Variants in AGBL4 observed in about 807,000 individuals in gnomAD.
AGBL4 encodes cytosolic carboxypeptidase 6.
AGBL4 carries 58 observed loss-of-function variants against 66.4 expected under a neutral mutation model. That is an observed-to-expected ratio of 0.87 (90% CI 0.71 to 1.09). AGBL4 has a LOEUF of 1.09. Ranked by LOEUF, AGBL4 falls within the 50% of genes least tolerant of loss-of-function variation. AGBL4 has a pLI of 0.00. For synonymous variants in AGBL4, 234 were observed against 222.9 expected (o/e 1.05, Z -0.44); for missense variants, 579 against 631.0 (o/e 0.92, Z 0.88).
At chr1:49,829,803 G>A (rs1645610170) in intron 2 of AGBL4, among the ~76,000 whole-genome samples, 5 of 152,024 alleles carry the variant, frequency 3.3e-5, no homozygotes. Context: ...GGTGTGTGAT[G>A]ATCCCTCCCT....
intron 2 of AGBL4, among the ~76,000 whole-genome samples, chr1:49,788,757 T>C (rs1348432420): frequency 6.6e-6 from 1 of 152,242 alleles, no homozygotes; most frequent in Non-Finnish European, 1.5e-5. Flanking sequence ...CAAAGCTTCG[T>C]GGACGCATGG....
At chr1:49,015,350 A>G (rs138908367) in intron 5 of AGBL4, among the ~76,000 whole-genome samples, 10 of 152,280 alleles carry the variant, frequency 6.6e-5, no homozygotes, top group Non-Finnish European at 1.5e-4. Context: ...AGAAAGTGGC[A>G]AAGTATCAAT....
At chr1:49,034,477 C>T (rs544779385) in intron 5 of AGBL4, among the ~76,000 whole-genome samples, 3 of 152,116 alleles carry the variant, frequency 2.0e-5, no homozygotes, top group South Asian at 4.2e-4. Flanking sequence ...CAGGTCTTGT[C>T]CTGTTAAACA....
chr1:48,703,438 A>G (rs1022277479), intron 6 of AGBL4, among the ~76,000 whole-genome samples: 5 of 152,188 alleles, frequency 3.3e-5, no homozygotes, highest in Non-Finnish European at 7.3e-5. Context: ...AAGAAAGGAG[A>G]TGATAGATAC....
At chr1:49,918,396 A>G (rs1276579328) in intron 1 of AGBL4, among the ~76,000 whole-genome samples, 3 of 152,250 alleles carry the variant, frequency 2.0e-5, no homozygotes, top group Non-Finnish European at 2.9e-5. Context: ...AAAAATGATA[A>G]AGGGGATATC....
At chr1:49,251,819 G>T (rs1296429787) in intron 3 of AGBL4, among the ~76,000 whole-genome samples, 1 of 152,156 alleles carries the variant, frequency 6.6e-6, no homozygotes, top group African/African-American at 2.4e-5. Context: ...GAGCTGAGTG[G>T]TGGCTCTCTA....
chr1:49,107,721 GAGAGAGA>G (rs1645324978), intron 4 of AGBL4, among the ~76,000 whole-genome samples: 2 of 151,212 alleles, frequency 1.3e-5, no homozygotes, highest in Admixed American at 1.3e-4. Context: ...GAGAGAGAGA[GAGAGAGA>G]GAGAGAGACA....
chr1:49,398,065 C>G (rs948955714), intron 3 of AGBL4, among the ~76,000 whole-genome samples: 9 of 152,170 alleles, frequency 5.9e-5, no homozygotes, highest in African/African-American at 1.9e-4. Flanking sequence ...CCCCAGATAC[C>G]AAAACCTGCT....
chr1:49,537,197 C>T (rs1651664607), intron 3 of AGBL4, among the ~76,000 whole-genome samples: 1 of 151,996 alleles, frequency 6.6e-6, no homozygotes, highest in Non-Finnish European at 1.5e-5. Context: ...AAATACTAGA[C>T]AAAAATCTAG....
intron 6 of AGBL4, among the ~76,000 whole-genome samples, chr1:48,795,322 T>C (rs1194158376): frequency 6.6e-6 from 1 of 152,224 alleles, no homozygotes; most frequent in African/African-American, 2.4e-5. Context: ...GCTCAACTCA[T>C]GCTACGTATT....
chr1:50,017,454 A>G (rs1227252223), intron 1 of AGBL4: 1 of 152,192 alleles, frequency 6.6e-6, no homozygotes, highest in African/African-American at 2.4e-5. Flanking sequence ...TGGGCAGTTG[A>G]GGAGGACTCA....
chr1:49,490,345 CTT>C (rs943778555), intron 3 of AGBL4, among the ~76,000 whole-genome samples: 1 of 151,550 alleles, frequency 6.6e-6, no homozygotes, highest in Non-Finnish European at 1.5e-5. Flanking sequence ...ATTAATGTAT[CTT>C]TGAAGTTTTT....
intron 6 of AGBL4, among the ~76,000 whole-genome samples, chr1:48,733,632 A>T (rs1230070892): frequency 2.0e-5 from 3 of 152,230 alleles, no homozygotes; most frequent in African/African-American, 4.8e-5. Context: ...AGCCACATGC[A>T]TGGCTGAGGT....
At chr1:49,210,716 T>C (rs748462882) in intron 4 of AGBL4, among the ~76,000 whole-genome samples, 5 of 152,052 alleles carry the variant, frequency 3.3e-5, no homozygotes, top group Non-Finnish European at 7.4e-5. Context: ...AAAATAAATG[T>C]TGCCCCTTCC....
chr1:49,216,997 G>T, intron 4 of AGBL4, among the ~76,000 whole-genome samples: 1 of 152,072 alleles, frequency 6.6e-6, no homozygotes, highest in East Asian at 1.9e-4. Flanking sequence ...TCCTAACAGG[G>T]TTCTGCACTG....
intron 11 of AGBL4, among the ~76,000 whole-genome samples, chr1:48,561,832 G>A (rs1278930741): frequency 6.6e-6 from 1 of 152,148 alleles, no homozygotes; most frequent in Admixed American, 6.6e-5. Context: ...CAGGCCTTCA[G>A]CCTCAGACAT....
At chr1:49,762,272 G>A (rs1652381107) in intron 2 of AGBL4, among the ~76,000 whole-genome samples, 1 of 152,082 alleles carries the variant, frequency 6.6e-6, no homozygotes, top group Admixed American at 6.5e-5. Flanking sequence ...CTTTCTAACT[G>A]GAGTAAGGTG....
At position 49,771,292 on chromosome 1, in the gene AGBL4, T is replaced by C. The variant is rs552099015; in HGVS notation, c.158-73855A>G. Reference sequence around the variant, plus strand: ...TTGGAGGCACGTTGTTTAATTTCCATGTATTTGAAAGGTTTTCAATGGTTT... The same window carrying C: ...TTGGAGGCACGTTGTTTAATTTCCACGTATTTGAAAGGTTTTCAATGGTTT... On this transcript the variant is annotated intron_variant, in intron 2 of 13. Transcript: ENST00000371839. Among the ~76,000 whole-genome samples, 70 of 152,274 alleles carry C rather than the reference T, an allele frequency of 4.6e-4. 1 individual carries two copies. Among genetic ancestry groups the C allele is most frequent in the African/African-American group, 1.5e-3 (63 of 41,590 alleles).
chr1:48,847,240 C>A lies in AGBL4; in HGVS notation c.634+19951G>T, dbSNP rs113602336. On this transcript the variant is annotated intron_variant, in intron 6 of 13. Transcript: ENST00000371839. The stretch of plus-strand genomic sequence containing the variant: ...ACTTGAACCCAGGAAGCGGAGGTTG[C>A]AGGGAGCCGAGTTCACACCATTGCA... 1.9e-3 allele frequency among the ~76,000 whole-genome samples: 296 copies of A among 152,012 alleles called. 5 individuals are homozygous for A. The highest frequency in any genetic ancestry group is 6.6e-3 in the African/African-American group (273 of 41,484).
Sources: gnomAD v4.1 joint callset for allele counts (sites outside exome capture counted in the v4.1 genomes callset) on GRCh38, gnomAD v4.1.1 for gene constraint, MANE v1.5 for transcripts, NCBI Gene and HGNC (gene_info 2026-07-23, HGNC 2026-07-21) for gene names.